Variants in REV1 observed in about 807,000 individuals in gnomAD.
The protein encoded by REV1 is REV1 DNA directed polymerase, also known as translesion synthesis protein REV1.
A neutral mutation model predicts 137.4 loss-of-function variants in REV1; 42 were observed. That is an observed-to-expected ratio of 0.31 (90% CI 0.24 to 0.40). The LOEUF is 0.40. Ranked by LOEUF, REV1 falls within the 10% of genes least tolerant of loss-of-function variation. The pLI, the probability that REV1 is intolerant of heterozygous loss-of-function variation, is 1.00. For synonymous variants in REV1, 524 were observed against 519.2 expected, an observed-to-expected ratio of 1.01 and a Z score of -0.12; for missense variants, 1,282 against 1,490.1, an observed-to-expected ratio of 0.86 and a Z score of 2.30.
intron 13 of REV1, 143 bp downstream of exon 13, chr2:99,412,588 A>G (rs1677328463): frequency 3.0e-6 from 2 of 658,840 alleles, no homozygotes; most frequent in Non-Finnish European, 5.3e-6. Flanking sequence ...CAGTGCCTTA[A>G]AAGGCCTTCT....
chr2:99,465,178 C>T (rs1291538333), intron 1 of REV1, among the ~76,000 whole-genome samples, 193 bp from the exon 2 acceptor site: 1 of 146,262 alleles, frequency 6.8e-6, no homozygotes, highest in Non-Finnish European at 1.5e-5. Flanking sequence ...TATAAAACAC[C>T]CTCCTACACA....
chr2:99,440,623 A>G (rs1681365297), intron 5 of REV1, among the ~76,000 whole-genome samples: 1 of 152,272 alleles, frequency 6.6e-6, no homozygotes, highest in Admixed American at 6.5e-5. Context: ...GAAGAAAAAA[A>G]GAAAACCTAA....
rs1456665005 is a variant in REV1 at position 99,429,898 on chromosome 2, T to C, written c.1489A>G (p.Asn497Asp). ...LWENPDSAQANGIDSVLSRAE... is the reference protein window; with the variant it reads ...LWENPDSAQADGIDSVLSRAE... ...CTTGACAAAACAGAATCAATTCCAT[T>C]TGCTTGCGCAGAATCTGGATTCTCC... Residue 497 changes from asparagine to aspartate, a missense_variant, in exon 9 of 23, where the codon AAT becomes GAT. Transcript: ENST00000258428. 3 of 1,604,236 alleles carry C rather than the reference T, an allele frequency of 1.9e-6. No individual in the cohort carries two copies. The highest frequency in any genetic ancestry group is 2.6e-6 in the Non-Finnish European group (3 of 1,175,564).
intron 3 of REV1, among the ~76,000 whole-genome samples, chr2:99,454,854 T>C (rs760777497): frequency 2.6e-5 from 4 of 152,158 alleles, no homozygotes; most frequent in Non-Finnish European, 5.9e-5. Context: ...TGACAGACAA[T>C]TGAAAGCACA....
intron 9 of REV1, among the ~76,000 whole-genome samples, chr2:99,427,665 T>A (rs1351366126): frequency 6.6e-6 from 1 of 152,166 alleles, no homozygotes; most frequent in Admixed American, 6.5e-5. Flanking sequence ...ACCTGTTGGA[T>A]GGCCACAAAA....
chr2:99,429,835 C>T lies in REV1; in HGVS notation c.1547+5G>A, dbSNP rs373394752. The T allele has an allele frequency of 6.5e-7, 1 of 1,526,810 alleles. No individual in the cohort carries two copies. The highest frequency in any genetic ancestry group is 1.4e-5 in the African/African-American group (1 of 71,450). 94.6% of individuals were successfully genotyped at this position (1,526,810 alleles called of 1,614,324 possible). On this transcript the variant is annotated splice_donor_5th_base_variant and intron_variant, in intron 9 of 22. Transcript: ENST00000258428. ...TAAGAATTGTAACACACAACTTCTA[C>T]ATACCTGGCCTCATAACTACAAGAT...
chr2:99,447,527 T>C (rs1208078109), intron 4 of REV1, among the ~76,000 whole-genome samples: 1 of 152,202 alleles, frequency 6.6e-6, no homozygotes, highest in African/African-American at 2.4e-5. Context: ...AATTTTCTAA[T>C]AATTGCTAAT....
chr2:99,417,496 C>A (rs936326551), intron 12 of REV1, among the ~76,000 whole-genome samples: 3 of 152,300 alleles, frequency 2.0e-5, no homozygotes, highest in Non-Finnish European at 4.4e-5. Context: ...TAAGATAAAA[C>A]AAGGTCATAT....
intron 7 of REV1, chr2:99,435,592 C>A: frequency 3.4e-6 from 1 of 293,732 alleles, no homozygotes; most frequent in Non-Finnish European, 6.2e-6. Flanking sequence ...ATCCTGCCTA[C>A]ATTAGTCTTC....
intron 1 of REV1, among the ~76,000 whole-genome samples, chr2:99,485,619 G>A (rs1370400923): frequency 6.6e-6 from 1 of 152,174 alleles, no homozygotes; most frequent in East Asian, 1.9e-4. Context: ...CACTCTGGTG[G>A]GCGGTTGTTG....
chr2:99,466,608 C>T (rs923942734), intron 1 of REV1, among the ~76,000 whole-genome samples: 1 of 152,098 alleles, frequency 6.6e-6, no homozygotes, highest in Non-Finnish European at 1.5e-5. Context: ...TGTTTGTTGA[C>T]ATTTATAACA....
At chr2:99,472,416 G>T (rs1685519514) in intron 1 of REV1, among the ~76,000 whole-genome samples, 2 of 152,220 alleles carry the variant, frequency 1.3e-5, no homozygotes, top group Non-Finnish European at 2.9e-5. Context: ...AACAGGTAGA[G>T]TCTCAGGCAA....
chr2:99,429,509 G>A (rs1679839561), intron 9 of REV1, among the ~76,000 whole-genome samples: 1 of 151,718 alleles, frequency 6.6e-6, no homozygotes, highest in South Asian at 2.1e-4. Flanking sequence ...AAGATTAGAG[G>A]GAATAAATAT....
chr2:99,418,462 C>G (rs969909230), intron 12 of REV1, among the ~76,000 whole-genome samples: 2 of 152,148 alleles, frequency 1.3e-5, no homozygotes, highest in Non-Finnish European at 2.9e-5. Flanking sequence ...ATAGGAGAAT[C>G]GAAGCTCAAA....
Position 99,489,916 on chromosome 2 carries a change from G to C in REV1, c.-110C>G, listed in dbSNP as rs1044275585. ...CGCCAGTGCCCTCGCCAGGGACCAGGGAGGAGGGCCGGGGGAAGGCAGCCC... is the reference window on the plus strand; with the variant it reads ...CGCCAGTGCCCTCGCCAGGGACCAGCGAGGAGGGCCGGGGGAAGGCAGCCC... On this transcript the variant is annotated 5_prime_UTR_variant, in exon 1 of 23. Coordinates refer to ENST00000258428, the MANE Select transcript of REV1 (RefSeq NM_016316.4). 2.0e-5 allele frequency: 3 copies of C among 150,014 alleles called. No individual in the cohort carries two copies. The highest frequency in any genetic ancestry group is 4.9e-5 in the African/African-American group (2 of 41,176). The allele number at this position is 150,014 out of a possible 1,614,324, so 9.3% of individuals were successfully genotyped here. A position where few individuals can be genotyped will look rare whatever the true frequency, so the allele number is the denominator to read the frequency against.
chr2:99,439,028 A>C lies in REV1; in HGVS notation c.786T>G (p.Asp262Glu), dbSNP rs369345409. ...AATCAGTGCTGCTCTTCTCAGCCTT[A>C]TCCTCCTCCTGGGAAAAGGCTGGAG... Reference protein sequence around the residue: ...RLSPAFSQEEDKAEKSSTDFR... With the variant: ...RLSPAFSQEEEKAEKSSTDFR... The change falls in exon 6 of 23, where the codon GAT becomes GAG. Residue 262 changes from aspartate to glutamate, a missense_variant. By Grantham distance (45) the Asp-to-Glu change is conservative. Around this residue, in one of 7 missense-constraint regions of REV1, gnomAD observed 432 missense variants for 438.0 expected, o/e 0.99. Transcript: ENST00000258428. 2.5e-5 allele frequency: 40 copies of C among 1,614,054 alleles called. No individual in the cohort carries two copies. The highest frequency in any genetic ancestry group is 5.5e-5 in the South Asian group (5 of 91,090).
chr2:99,426,692 C>T (rs1679418993), intron 9 of REV1, among the ~76,000 whole-genome samples: 1 of 152,082 alleles, frequency 6.6e-6, no homozygotes, highest in Non-Finnish European at 1.5e-5. Flanking sequence ...CAAAAAAGTC[C>T]AAAGTGTCTC....
At chr2:99,445,392 C>A (rs1373428342) in intron 4 of REV1, among the ~76,000 whole-genome samples, 1 of 152,212 alleles carries the variant, frequency 6.6e-6, no homozygotes, top group South Asian at 2.1e-4. Context: ...TCTGTCTCAA[C>A]TCCCAACAGA....
chr2:99,436,389 T>A (rs1280290003), intron 6 of REV1, among the ~76,000 whole-genome samples: 2 of 152,148 alleles, frequency 1.3e-5, no homozygotes, highest in Non-Finnish European at 2.9e-5. Flanking sequence ...AACTATGAGG[T>A]AGGTAATCGT....
Sources: gnomAD v4.1 joint callset for allele counts (sites outside exome capture counted in the v4.1 genomes callset) on GRCh38, gnomAD v4.1.1 for gene constraint, gnomAD v4.1.1 regional missense constraint, MANE v1.5 for transcripts, NCBI Gene and HGNC (gene_info 2026-07-23, HGNC 2026-07-21) for gene names.